ABL2: variants seen among roughly 807,000 people sequenced by gnomAD.
ABL2 encodes the protein ABL proto-oncogene 2, non-receptor tyrosine kinase, also known as tyrosine-protein kinase ABL2.
A neutral mutation model predicts 107.7 loss-of-function variants in ABL2; 49 were observed. That is an observed-to-expected ratio of 0.45 (90% CI 0.36 to 0.58). The LOEUF (loss-of-function observed/expected upper bound fraction) is 0.58, where lower values mean the gene tolerates loss of function less well. ABL2 is among the 20% of genes least tolerant of loss of function. The pLI is 0.00. For missense variants in ABL2, 1,245 were observed against 1,457.0 expected (o/e 0.85, Z 2.37); for synonymous variants, 549 against 548.6 (o/e 1.00, Z -0.01).
intron 1 of ABL2, among the ~76,000 whole-genome samples, chr1:179,185,523 T>C (rs536521321): frequency 6.6e-6 from 1 of 152,308 alleles, no homozygotes; most frequent in South Asian, 2.1e-4. Context: ...CAAGTTGCTT[T>C]GTATAAGTCA....
chr1:179,134,806 T>C (rs1189370262), intron 1 of ABL2, among the ~76,000 whole-genome samples: 2 of 152,142 alleles, frequency 1.3e-5, no homozygotes, highest in Non-Finnish European at 2.9e-5. Context: ...ACTGCTGCCA[T>C]CTCGGCTCAC....
At chr1:179,135,992 G>A (rs1240099456) in intron 1 of ABL2, among the ~76,000 whole-genome samples, 1 of 143,958 alleles carries the variant, frequency 6.9e-6, no homozygotes, top group South Asian at 2.2e-4. Context: ...CAGCCGCCCC[G>A]TCCAGGAGGT....
intron 1 of ABL2, among the ~76,000 whole-genome samples, chr1:179,153,590 T>C (rs2636277): frequency 0.47 from 71,795 of 151,860 alleles, 17,171 homozygotes; most frequent in Admixed American, 0.53. Flanking sequence ...TGTGAAATCG[T>C]CCTCTGTTAC....
At chr1:179,225,261 C>G (rs1422288278) in intron 1 of ABL2, among the ~76,000 whole-genome samples, 2 of 152,200 alleles carry the variant, frequency 1.3e-5, no homozygotes, top group East Asian at 3.9e-4. Flanking sequence ...TCTGATAAAC[C>G]ATTTCCATAA....
rs1261262971 is a variant in ABL2 at position 179,116,032 on chromosome 1, GA to G, written c.1409-1003del. ...GAGGAAACCTCATCACACTTCCCTC[GA>G]AAAAAAAAAAAGCTCTGTGTCACAG... On this transcript the variant is annotated intron_variant, in intron 8 of 11. Coordinates refer to ENST00000502732, the MANE Select transcript of ABL2 (RefSeq NM_007314.4). Among the ~76,000 whole-genome samples the G allele has an allele frequency of 3.1e-3, 435 of 140,628 alleles. 1 individual carries two copies. Among genetic ancestry groups the G allele is most frequent in the African/African-American group, 9.6e-3 (372 of 38,776 alleles). The allele number at this position is 140,628 out of a possible 152,430, so 92.3% of individuals were successfully genotyped here. A position where few individuals can be genotyped will look rare whatever the true frequency, so the allele number is the denominator to read the frequency against.
intron 1 of ABL2, among the ~76,000 whole-genome samples, chr1:179,198,323 C>T (rs939249724): frequency 2.0e-5 from 3 of 152,084 alleles, no homozygotes; most frequent in African/African-American, 4.8e-5. Flanking sequence ...GCAAAGAGCA[C>T]ATGAGAGTTG....
chr1:179,153,673 T>C (rs566381487), intron 1 of ABL2, among the ~76,000 whole-genome samples: 3 of 151,908 alleles, frequency 2.0e-5, no homozygotes, highest in African/African-American at 7.2e-5. Context: ...GACCAAAAAT[T>C]CCCCCCACCT....
intron 1 of ABL2, among the ~76,000 whole-genome samples, chr1:179,193,065 T>C (rs2102824750): frequency 6.6e-6 from 1 of 152,208 alleles, no homozygotes; most frequent in South Asian, 2.1e-4. Flanking sequence ...TTAAACAGCA[T>C]ACATGGTATG....
At chr1:179,162,634 C>T (rs573439888) in intron 1 of ABL2, among the ~76,000 whole-genome samples, 1 of 152,106 alleles carries the variant, frequency 6.6e-6, no homozygotes, top group East Asian at 1.9e-4. Context: ...ATAGCTAGAG[C>T]ATGTAATGTA....
In ABL2 at chr1:179,103,846, G is replaced by A. The variant is rs528788638; in HGVS notation, c.*3872C>T. 8.2e-5 allele frequency: 19 copies of A among 230,566 alleles called. No individual in the cohort carries two copies. The highest frequency in any genetic ancestry group is 1.5e-4 in the Non-Finnish European group (17 of 116,182). The allele number at this position is 230,566 out of a possible 1,614,324, so 14.3% of individuals were successfully genotyped here. ...GCCTTGGCTCCGCCACTAATTAACC[G>A]TTCTGAGACAATAGGCAAGTAATTT... is the stretch of plus-strand genomic sequence containing the variant. On this transcript the variant is annotated 3_prime_UTR_variant, in exon 12 of 12. Coordinates refer to ENST00000502732, the MANE Select transcript of ABL2 (RefSeq NM_007314.4).
At chr1:179,111,281 CT>C (rs748453531) in intron 10 of ABL2, among the ~76,000 whole-genome samples, 100 of 82,272 alleles carry the variant, frequency 1.2e-3, no homozygotes, top group South Asian at 7.1e-3. Context: ...AGTGCTCAGT[CT>C]TTTTTTTTTT....
intron 1 of ABL2, among the ~76,000 whole-genome samples, chr1:179,135,858 GC>G (rs1656887383): frequency 7.0e-6 from 1 of 142,790 alleles, no homozygotes; most frequent in Admixed American, 6.8e-5. Context: ...CTGGCCAGCC[GC>G]CCCGTCCAGG....
intron 1 of ABL2, among the ~76,000 whole-genome samples, chr1:179,155,409 CA>C: frequency 6.6e-6 from 1 of 152,276 alleles, no homozygotes; most frequent in Middle Eastern, 3.4e-3. Context: ...AGTGAATGCA[CA>C]ATGACTCAGA....
At chr1:179,151,461 T>G (rs1421918787) in intron 1 of ABL2, among the ~76,000 whole-genome samples, 3 of 152,214 alleles carry the variant, frequency 2.0e-5, no homozygotes. Flanking sequence ...ATACTATATT[T>G]AATATAATTT....
chr1:179,146,490 T>A (rs568756937), intron 1 of ABL2, among the ~76,000 whole-genome samples: 1 of 152,258 alleles, frequency 6.6e-6, no homozygotes, highest in East Asian at 1.9e-4. Context: ...TTTTTCAGAT[T>A]TTAGAATATG....
intron 1 of ABL2, among the ~76,000 whole-genome samples, chr1:179,144,061 A>G (rs1240986717): frequency 6.6e-6 from 1 of 152,238 alleles, no homozygotes; most frequent in South Asian, 2.1e-4. Flanking sequence ...AAAGTTAAAG[A>G]AAATTTAAAA....
At chr1:179,184,616 A>G (rs562546870) in intron 1 of ABL2, 2 of 530,212 alleles carry the variant, frequency 3.8e-6, no homozygotes, top group East Asian at 3.6e-5. Flanking sequence ...GAAGATATTG[A>G]TGAAGAAGGG....
chr1:179,127,898 T>C (rs186149431), intron 3 of ABL2, among the ~76,000 whole-genome samples: 131 of 151,964 alleles, frequency 8.6e-4, no homozygotes, highest in Non-Finnish European at 1.5e-3. Context: ...CCGGGTGTGA[T>C]AGTCTGCATG....
intron 1 of ABL2, among the ~76,000 whole-genome samples, chr1:179,195,803 A>T (rs1661276117): frequency 1.3e-5 from 2 of 152,244 alleles, no homozygotes; most frequent in South Asian, 4.1e-4. Flanking sequence ...ATACTATATG[A>T]TTCCATTTAT....
Sources: gnomAD v4.1 joint callset for allele counts (sites outside exome capture counted in the v4.1 genomes callset) on GRCh38, gnomAD v4.1.1 for gene constraint, MANE v1.5 for transcripts, NCBI Gene and HGNC (gene_info 2026-07-23, HGNC 2026-07-21) for gene names.